Variants in FOXP1 observed in about 807,000 individuals in gnomAD.
FOXP1 encodes forkhead box protein P1.
A neutral mutation model predicts 98.2 loss-of-function variants in FOXP1; 15 were observed. The ratio of observed to expected loss-of-function variants is 0.15; its 90% CI spans 0.10 to 0.24. The LOEUF (loss-of-function observed/expected upper bound fraction) is 0.24, where lower values mean the gene tolerates loss of function less well. Among genes scored for constraint, FOXP1 ranks in the 10% least tolerant of loss-of-function variants. The probability of loss-of-function intolerance (pLI) is 1.00; values close to 1 mark genes in which losing one functional copy is unlikely to be tolerated. For synonymous variants in FOXP1, 371 were observed against 314.5 expected, an observed-to-expected ratio of 1.18 and a Z score of -1.90; for missense variants, 633 against 848.5, an observed-to-expected ratio of 0.75 and a Z score of 3.15.
intron 2 of FOXP1, chr3:71,571,848 T>C (rs886793415): frequency 6.6e-6 from 1 of 152,244 alleles, no homozygotes; most frequent in African/African-American, 2.4e-5. Context: ...ATTCTTTTGG[T>C]CATTAGCATA....
chr3:71,008,367 G>A (rs910183193), intron 12 of FOXP1, among the ~76,000 whole-genome samples: 1 of 152,060 alleles, frequency 6.6e-6, no homozygotes, highest in Non-Finnish European at 1.5e-5. Context: ...TTGAAAAGAA[G>A]AAAAAAGAAA....
intron 4 of FOXP1, among the ~76,000 whole-genome samples, chr3:71,345,688 A>G (rs1223860934): frequency 6.6e-6 from 1 of 151,992 alleles, no homozygotes; most frequent in Admixed American, 6.6e-5. Context: ...AGAGCTTCCC[A>G]AGAAAAGCAA....
intron 20 of FOXP1, among the ~76,000 whole-genome samples, chr3:70,962,664 ATGT>A (rs1045732181): frequency 5.3e-5 from 8 of 152,190 alleles, no homozygotes; most frequent in Non-Finnish European, 1.2e-4. Context: ...TGAGGTTCAA[ATGT>A]TGTTTTCCAA....
intron 3 of FOXP1, among the ~76,000 whole-genome samples, chr3:71,462,134 T>C (rs1258663099): frequency 1.3e-5 from 2 of 152,218 alleles, no homozygotes; most frequent in East Asian, 3.9e-4. Context: ...ACATAAACAC[T>C]TGCCGCATAA....
intron 12 of FOXP1, among the ~76,000 whole-genome samples, chr3:71,014,129 G>A (rs911034222): frequency 2.0e-5 from 3 of 152,170 alleles, no homozygotes; most frequent in Non-Finnish European, 4.4e-5. Flanking sequence ...AAAAGCAATG[G>A]CAACAAAAGC....
chr3:71,431,025 T>C (rs2084666012), intron 3 of FOXP1, among the ~76,000 whole-genome samples: 1 of 152,252 alleles, frequency 6.6e-6, no homozygotes, highest in South Asian at 2.1e-4. Flanking sequence ...ACAAAGCATT[T>C]AGAAGGTGCA....
At chr3:71,433,422 T>C (rs560557040) in intron 3 of FOXP1, among the ~76,000 whole-genome samples, 19 of 152,220 alleles carry the variant, frequency 1.2e-4, no homozygotes, top group South Asian at 4.1e-4. Flanking sequence ...GCACGTGCAA[T>C]TGATCAGGGA....
At chr3:71,223,084 A>G (rs2065525143) in intron 5 of FOXP1, among the ~76,000 whole-genome samples, 1 of 152,018 alleles carries the variant, frequency 6.6e-6, no homozygotes, top group Admixed American at 6.5e-5. Context: ...AACCACAAAC[A>G]CCATTAAAAA....
chr3:71,018,034 G>A (rs771775829), intron 11 of FOXP1, among the ~76,000 whole-genome samples: 19 of 152,110 alleles, frequency 1.2e-4, no homozygotes, highest in Admixed American at 3.3e-4. Flanking sequence ...GTGGTTAAAC[G>A]GCTGTGCTTC....
chr3:71,141,756 C>G (rs980097669), intron 6 of FOXP1, among the ~76,000 whole-genome samples: 1 of 151,850 alleles, frequency 6.6e-6, no homozygotes, highest in Non-Finnish European at 1.5e-5. Flanking sequence ...ATAATTAGAG[C>G]CACTGTGAAG....
chr3:71,232,879 A>AAAAAAAAAAAT (rs1372828415), intron 5 of FOXP1, among the ~76,000 whole-genome samples: 1 of 142,824 alleles, frequency 7.0e-6, no homozygotes, highest in Non-Finnish European at 1.5e-5. Flanking sequence ...CTCTGTCTCA[A>AAAAAAAAAAAT]AAAAAAAAAA....
At chr3:71,052,142 A>G (rs1433989488) in intron 9 of FOXP1, among the ~76,000 whole-genome samples, 1 of 151,918 alleles carries the variant, frequency 6.6e-6, no homozygotes, top group Admixed American at 6.6e-5. Flanking sequence ...AAAGGCCATC[A>G]CCACACACCC....
At chr3:71,186,872 C>G (rs1010494046) in intron 6 of FOXP1, among the ~76,000 whole-genome samples, 2 of 152,132 alleles carry the variant, frequency 1.3e-5, no homozygotes, top group Non-Finnish European at 2.9e-5. Flanking sequence ...TTCATTAATC[C>G]AGAGATTGAC....
intron 4 of FOXP1, among the ~76,000 whole-genome samples, chr3:71,346,753 T>C (rs952840489): frequency 7.2e-5 from 11 of 152,172 alleles, no homozygotes; most frequent in African/African-American, 2.7e-4. Flanking sequence ...AGCAAGACTT[T>C]ATATAATACA....
chr3:71,277,523 G>C (rs947641623), intron 5 of FOXP1, among the ~76,000 whole-genome samples: 1 of 151,984 alleles, frequency 6.6e-6, no homozygotes, highest in African/African-American at 2.4e-5. Flanking sequence ...CAGTCCAAAT[G>C]ACAGCATGCT....
At chr3:71,316,799 A>T (rs2075106683) in intron 4 of FOXP1, among the ~76,000 whole-genome samples, 1 of 151,842 alleles carries the variant, frequency 6.6e-6, no homozygotes, top group Non-Finnish European at 1.5e-5. Flanking sequence ...CTGGGACTAC[A>T]GGCGCCTGCC....
chr3:71,302,160 G>A (rs1254870476), intron 4 of FOXP1, among the ~76,000 whole-genome samples: 1 of 152,096 alleles, frequency 6.6e-6, no homozygotes, highest in Non-Finnish European at 1.5e-5. Flanking sequence ...CATTAACAAA[G>A]TAATCTAACA....
chr3:71,374,537 G>A (rs1426959305), intron 3 of FOXP1, among the ~76,000 whole-genome samples: 2 of 151,766 alleles, frequency 1.3e-5, no homozygotes, highest in African/African-American at 4.8e-5. Context: ...AGGTTGTAGT[G>A]AGCCAAGAGT....
intron 3 of FOXP1, among the ~76,000 whole-genome samples, chr3:71,404,125 T>TA (rs1553873679): frequency 1.9e-5 from 2 of 106,198 alleles, no homozygotes; most frequent in African/African-American, 7.0e-5. Context: ...TTTTTCTTTT[T>TA]TTTTTTTTTT....
Sources: allele counts gnomAD v4.1 joint callset (sites outside exome capture counted in the v4.1 genomes callset), GRCh38; gene constraint gnomAD v4.1.1; transcripts MANE v1.5; gene names NCBI Gene and HGNC (gene_info 2026-07-23, HGNC 2026-07-21).